Variants in GRIK2 observed in about 807,000 individuals in gnomAD.
The protein encoded by GRIK2 is glutamate ionotropic receptor kainate type subunit 2.
Under a neutral mutation model 100.3 loss-of-function variants are expected in GRIK2, and 32 were observed. That is an observed-to-expected ratio of 0.32 (90% CI 0.24 to 0.43). The LOEUF is 0.43. Ranked by LOEUF, GRIK2 falls within the 20% of genes least tolerant of loss-of-function variation. The pLI, the probability that GRIK2 is intolerant of heterozygous loss-of-function variation, is 1.00. For missense variants in GRIK2, 843 were observed against 1,114.9 expected (o/e 0.76, Z 3.47); for synonymous variants, 417 against 389.4 (o/e 1.07, Z -0.83).
chr6:101,694,140 A>G (rs1411165689), intron 7 of GRIK2, among the ~76,000 whole-genome samples: 3 of 152,162 alleles, frequency 2.0e-5, no homozygotes, highest in Non-Finnish European at 4.4e-5. Flanking sequence ...GGACTGTGGC[A>G]TCAAGGTAGA....
chr6:101,799,826 T>C, intron 8 of GRIK2, 35 bp downstream of exon 8: 2 of 1,558,694 alleles, frequency 1.3e-6, no homozygotes, highest in Non-Finnish European at 1.8e-6. Flanking sequence ...CTTGTCTCTT[T>C]TGTTGTCAAG....
At chr6:101,683,510 A>G (rs10485273) in intron 6 of GRIK2, among the ~76,000 whole-genome samples, 10 of 152,058 alleles carry the variant, frequency 6.6e-5, no homozygotes, top group African/African-American at 1.9e-4. Context: ...TGTTATCAAT[A>G]CATTATCCTG....
chr6:101,955,576 TTCTCTCTCTCTC>T (rs60603807), intron 14 of GRIK2, among the ~76,000 whole-genome samples: 40 of 116,346 alleles, frequency 3.4e-4, no homozygotes, highest in Middle Eastern at 0.01. Flanking sequence ...GAGCAAGGCC[TTCTCTCTCTCTC>T]TCTCTCTCTC....
At position 102,006,390 on chromosome 6, in the gene GRIK2, A is replaced by ATTTTTTTTTTTT. The variant is rs34620995; in HGVS notation, c.2086-28948_2086-28937dup. 1.5e-3 allele frequency among the ~76,000 whole-genome samples: 173 copies of ATTTTTTTTTTTT among 114,078 alleles called. 1 individual carries two copies. Among genetic ancestry groups the ATTTTTTTTTTTT allele is most frequent in the African/African-American group, 7.4e-3 (163 of 21,896 alleles). The allele number at this position is 114,078 out of a possible 152,430, so 74.8% of individuals were successfully genotyped here. A position where few individuals can be genotyped will look rare whatever the true frequency, so the allele number is the denominator to read the frequency against. Reference sequence around the variant, plus strand: ...CTTTTATATATATATATATATATATATTTTTTTTTTTTTTGAGACATACAG... The same window carrying ATTTTTTTTTTTT: ...CTTTTATATATATATATATATATATATTTTTTTTTTTTTTTTTTTTTTTTTTGAGACATACAG... On this transcript the variant is annotated intron_variant, in intron 14 of 16. Transcript: ENST00000369134.
At chr6:101,485,177 G>C (rs1206636868) in intron 2 of GRIK2, among the ~76,000 whole-genome samples, 2 of 152,086 alleles carry the variant, frequency 1.3e-5, no homozygotes, top group Non-Finnish European at 2.9e-5. Flanking sequence ...TATATATTTA[G>C]AATAATATAT....
intron 2 of GRIK2, among the ~76,000 whole-genome samples, chr6:101,415,502 C>A (rs1776097428): frequency 6.6e-6 from 1 of 151,360 alleles, no homozygotes; most frequent in Admixed American, 6.6e-5. Flanking sequence ...TCACAAGTAG[C>A]TGTGAATACA....
chr6:101,750,078 G>A (rs973797812), intron 7 of GRIK2, among the ~76,000 whole-genome samples: 1 of 152,062 alleles, frequency 6.6e-6, no homozygotes, highest in Non-Finnish European at 1.5e-5. Context: ...GCCTCCCAAG[G>A]TGCTAGGATT....
rs147098485 is a variant in GRIK2, at chr6:101,521,815, A to G, written c.116-100134A>G. Among the ~76,000 whole-genome samples the G allele has an allele frequency of 5.7e-3, 862 of 152,116 alleles. 7 individuals are homozygous for G. The highest frequency in any genetic ancestry group is 0.02 in the African/African-American group (824 of 41,550). On this transcript the variant is annotated intron_variant, in intron 2 of 16. Coordinates refer to ENST00000369134, the MANE Select transcript of GRIK2 (RefSeq NM_021956.5). ...TTTCTGGTTTATGCACTCAGAAGAT[A>G]GGAAATAACCAAATAGAAAAAGTTC...
intron 4 of GRIK2, among the ~76,000 whole-genome samples, chr6:101,626,971 C>CAT (rs746773482): frequency 2.6e-5 from 4 of 151,986 alleles, no homozygotes; most frequent in Non-Finnish European, 5.9e-5. Context: ...TACACATACA[C>CAT]ACACACATAT....
chr6:101,550,744 A>G (rs1776473381), intron 2 of GRIK2, among the ~76,000 whole-genome samples: 1 of 152,176 alleles, frequency 6.6e-6, no homozygotes, highest in Non-Finnish European at 1.5e-5. Flanking sequence ...ATACACTGAA[A>G]GCAGACTGTA....
intron 2 of GRIK2, among the ~76,000 whole-genome samples, chr6:101,423,339 A>G (rs769312710): frequency 2.0e-4 from 31 of 152,116 alleles, no homozygotes; most frequent in South Asian, 4.1e-4. Flanking sequence ...ATACTTTAAA[A>G]AGCTCTATTT....
chr6:101,836,658 T>TAG (rs1783124691), intron 10 of GRIK2, among the ~76,000 whole-genome samples: 1 of 61,994 alleles, frequency 1.6e-5, no homozygotes, highest in Non-Finnish European at 3.3e-5. Flanking sequence ...TATATATATA[T>TAG]ATATTTTTTT....
intron 2 of GRIK2, among the ~76,000 whole-genome samples, chr6:101,596,394 T>A (rs1254445475): frequency 6.6e-6 from 1 of 151,676 alleles, no homozygotes; most frequent in Non-Finnish European, 1.5e-5. Flanking sequence ...TTTTCTTTTT[T>A]AACTAGGGTC....
chr6:101,406,996 G>A (rs1169855769), intron 2 of GRIK2, among the ~76,000 whole-genome samples: 3 of 152,088 alleles, frequency 2.0e-5, no homozygotes, highest in African/African-American at 4.8e-5. Context: ...CTCCAGCTCA[G>A]TCTCAGTCTA....
At chr6:101,851,051 T>C (rs985551472) in intron 10 of GRIK2, among the ~76,000 whole-genome samples, 2 of 152,092 alleles carry the variant, frequency 1.3e-5, no homozygotes, top group Admixed American at 6.6e-5. Flanking sequence ...ATCTTACTTA[T>C]CAGAATTAAA....
At chr6:101,753,830 T>A (rs1776953983) in intron 7 of GRIK2, among the ~76,000 whole-genome samples, 1 of 151,976 alleles carries the variant, frequency 6.6e-6, no homozygotes, top group South Asian at 2.1e-4. Flanking sequence ...AAAATAATAG[T>A]ACAAATAAAA....
chr6:101,755,109 T>C (rs887025381), intron 7 of GRIK2, among the ~76,000 whole-genome samples: 3 of 151,778 alleles, frequency 2.0e-5, no homozygotes, highest in Non-Finnish European at 4.4e-5. Flanking sequence ...TTAAACTCAC[T>C]GTCCCTTATG....
intron 10 of GRIK2, among the ~76,000 whole-genome samples, chr6:101,826,586 GGTACA>G (rs1782345937): frequency 6.6e-6 from 1 of 151,958 alleles, no homozygotes; most frequent in Non-Finnish European, 1.5e-5. Flanking sequence ...TTAGCTAATA[GGTACA>G]GTCTCCTTTC....
intron 2 of GRIK2, among the ~76,000 whole-genome samples, chr6:101,417,121 G>T (rs930127802): frequency 2.0e-5 from 3 of 152,204 alleles, no homozygotes; most frequent in Non-Finnish European, 2.9e-5. Flanking sequence ...AAAGCTACTG[G>T]CAGCAGGCAC....
Sources: gnomAD v4.1 joint callset for allele counts (sites outside exome capture counted in the v4.1 genomes callset) on GRCh38, gnomAD v4.1.1 for gene constraint, MANE v1.5 for transcripts, NCBI Gene and HGNC (gene_info 2026-07-23, HGNC 2026-07-21) for gene names.